Variants in NGEF observed in about 807,000 individuals in gnomAD.
NGEF encodes neuronal guanine nucleotide exchange factor, also known as ephexin-1.
NGEF carries 31 observed loss-of-function variants against 80.9 expected under a neutral mutation model. The observed-to-expected ratio is 0.38, with a 90% CI of 0.29 to 0.52. The LOEUF is 0.52. Ranked by LOEUF, NGEF falls within the 20% of genes least tolerant of loss-of-function variation. The probability of loss-of-function intolerance (pLI) is 0.84; values close to 1 mark genes in which losing one functional copy is unlikely to be tolerated. For synonymous variants in NGEF, 371 were observed against 370.2 expected (o/e 1.00, Z -0.03); for missense variants, 709 against 926.2 (o/e 0.77, Z 3.04).
chr2:232,906,684 C>A lies in NGEF; in HGVS notation c.829-11768G>T, dbSNP rs1324200475. Among the ~76,000 whole-genome samples the A allele has an allele frequency of 1.5e-5, 2 of 134,000 alleles. 1 individual carries two copies. The highest frequency in any genetic ancestry group is 3.2e-5 in the Non-Finnish European group (2 of 62,210). 87.9% of individuals were successfully genotyped at this position (134,000 alleles called of 152,430 possible). On this transcript the variant is annotated intron_variant, in intron 5 of 14. Transcript: ENST00000264051. ...CCACCACCCCATCTGGGAGGTGTACCCAACAGCTCATTGAGAACGGGCCAT... is the reference window on the plus strand; with the variant it reads ...CCACCACCCCATCTGGGAGGTGTACACAACAGCTCATTGAGAACGGGCCAT...
At chr2:232,964,794 A>G (rs1030593721) in intron 3 of NGEF, among the ~76,000 whole-genome samples, 10 of 152,262 alleles carry the variant, frequency 6.6e-5, no homozygotes, top group African/African-American at 2.4e-4. Flanking sequence ...TGTAGAGTAC[A>G]CACTGTGTGA....
chr2:233,005,456 C>T (rs1220090112), intron 1 of NGEF, among the ~76,000 whole-genome samples: 3 of 152,216 alleles, frequency 2.0e-5, no homozygotes, highest in Non-Finnish European at 4.4e-5. Context: ...CTCCTTCCAG[C>T]GTGGATGCCC....
In NGEF at chr2:232,993,004, TAC is replaced by T. The variant is rs140539108; in HGVS notation, c.-74-18042_-74-18041del. Among the ~76,000 whole-genome samples the T allele has an allele frequency of 8.3e-3, 1,151 of 138,146 alleles. 16 individuals carry two copies. Among genetic ancestry groups the T allele is most frequent in the African/African-American group, 0.031 (1,103 of 35,888 alleles). The allele number at this position is 138,146 out of a possible 152,430, so 90.6% of individuals were successfully genotyped here. A position where few individuals can be genotyped will look rare whatever the true frequency, so the allele number is the denominator to read the frequency against. On this transcript the variant is annotated intron_variant, in intron 1 of 14. Transcript: ENST00000264051. ...CCTGCCTGAAGTATATATATATATATACACACACACACACACGCACATAAATA... is the reference window on the plus strand; with the variant it reads ...CCTGCCTGAAGTATATATATATATATACACACACACACACGCACATAAATA...
At chr2:233,012,091 G>A (rs1695219617) in intron 1 of NGEF, among the ~76,000 whole-genome samples, 2 of 152,078 alleles carry the variant, frequency 1.3e-5, no homozygotes, top group African/African-American at 4.8e-5. Flanking sequence ...GAGAGAGAGA[G>A]AGAAAGAGAG....
At chr2:232,879,972 A>G (rs1045210165) in intron 14 of NGEF, among the ~76,000 whole-genome samples, 24 of 149,920 alleles carry the variant, frequency 1.6e-4, no homozygotes, top group African/African-American at 6.0e-4. Flanking sequence ...GCTGCCCTAC[A>G]CGAGCCCAGG....
chr2:232,904,421 G>A (rs928846258), intron 5 of NGEF, among the ~76,000 whole-genome samples: 5 of 152,200 alleles, frequency 3.3e-5, no homozygotes, highest in African/African-American at 9.7e-5. Context: ...TAGAGACAAG[G>A]TTTCAGCATG....
chr2:232,910,442 G>A (rs568528986), intron 5 of NGEF, among the ~76,000 whole-genome samples: 204 of 151,672 alleles, frequency 1.3e-3, no homozygotes, highest in Non-Finnish European at 2.7e-3. Flanking sequence ...CTGCTGCATG[G>A]CGAGGTGGGG....
chr2:232,895,252 C>T (rs1692020367), intron 5 of NGEF, among the ~76,000 whole-genome samples: 1 of 152,124 alleles, frequency 6.6e-6, no homozygotes, highest in Non-Finnish European at 1.5e-5. Context: ...TCAGGCTGGG[C>T]GTGGTGACTC....
chr2:232,883,938 C>T (rs1270360299), intron 11 of NGEF, 43 bp downstream of exon 11: 3 of 1,562,082 alleles, frequency 1.9e-6, no homozygotes, highest in South Asian at 1.2e-5. Context: ...CCAACACACT[C>T]CTCTACCCAC....
At chr2:232,981,563 C>T (rs570557500) in intron 1 of NGEF, among the ~76,000 whole-genome samples, 26 of 152,098 alleles carry the variant, frequency 1.7e-4, no homozygotes, top group Admixed American at 1.3e-4. Flanking sequence ...CCACCCAGAC[C>T]GTGGTAATCT....
intron 5 of NGEF, among the ~76,000 whole-genome samples, chr2:232,898,129 TAA>T (rs1449449311): frequency 6.6e-6 from 1 of 152,260 alleles, no homozygotes; most frequent in Non-Finnish European, 1.5e-5. Flanking sequence ...CTGCTAAATT[TAA>T]GTTTCCTAAG....
chr2:232,973,730 G>A (rs1694239400), intron 2 of NGEF, among the ~76,000 whole-genome samples: 1 of 152,304 alleles, frequency 6.6e-6, no homozygotes, highest in Non-Finnish European at 1.5e-5. Context: ...GACTGCAGAG[G>A]TTAGGTAAAC....
intron 1 of NGEF, among the ~76,000 whole-genome samples, chr2:233,000,389 G>A (rs2106342716): frequency 1.3e-5 from 2 of 152,224 alleles, no homozygotes; most frequent in South Asian, 4.1e-4. Flanking sequence ...GAGCCACCGT[G>A]CCCAGCCTCT....
chr2:233,000,446 A>G (rs1420565502), intron 1 of NGEF, among the ~76,000 whole-genome samples: 1 of 149,846 alleles, frequency 6.7e-6, no homozygotes, highest in African/African-American at 2.4e-5. Flanking sequence ...CCCCACCCTC[A>G]TGGCCTGGTT....
At chr2:232,947,864 C>T (rs1693590785) in intron 3 of NGEF, among the ~76,000 whole-genome samples, 1 of 152,104 alleles carries the variant, frequency 6.6e-6, no homozygotes, top group Non-Finnish European at 1.5e-5. Context: ...GATGAAGAGA[C>T]CTTTTTTGAT....
chr2:232,913,109 A>C (rs1346483950), intron 5 of NGEF, among the ~76,000 whole-genome samples: 3 of 152,146 alleles, frequency 2.0e-5, no homozygotes, highest in African/African-American at 7.2e-5. Flanking sequence ...TTTGAAAGCT[A>C]TCTGCTTTCT....
intron 9 of NGEF, among the ~76,000 whole-genome samples, chr2:232,885,744 C>T (rs1207325384): frequency 6.6e-6 from 1 of 152,140 alleles, no homozygotes; most frequent in Non-Finnish European, 1.5e-5. Context: ...CCTAAAAATC[C>T]CACGCTTCCT....
At chr2:232,977,099 C>T (rs1694310924) in intron 1 of NGEF, among the ~76,000 whole-genome samples, 2 of 152,172 alleles carry the variant, frequency 1.3e-5, no homozygotes, top group South Asian at 2.1e-4. Context: ...CAAGTTTAAC[C>T]TGGGTCACTG....
chr2:232,886,419 T>C (rs560941559), intron 9 of NGEF, among the ~76,000 whole-genome samples: 1 of 152,204 alleles, frequency 6.6e-6, no homozygotes, highest in East Asian at 1.9e-4. Flanking sequence ...GCGTGTGCCG[T>C]GTGTGCAGTG....
Sources: allele counts gnomAD v4.1 joint callset (sites outside exome capture counted in the v4.1 genomes callset), GRCh38; gene constraint gnomAD v4.1.1; transcripts MANE v1.5; gene names NCBI Gene and HGNC (gene_info 2026-07-23, HGNC 2026-07-21).